Variants in RMND5A observed in about 807,000 individuals in gnomAD.
RMND5A encodes required for meiotic nuclear division 5 homolog A, also known as E3 ubiquitin-protein transferase RMND5A.
Under a neutral mutation model 49.7 loss-of-function variants are expected in RMND5A, and 17 were observed. The ratio of observed to expected loss-of-function variants is 0.34; its 90% CI spans 0.23 to 0.51. The LOEUF is 0.51. Ranked by LOEUF, RMND5A falls within the 20% of genes least tolerant of loss-of-function variation. RMND5A has a pLI of 0.96. For synonymous variants in RMND5A, 156 were observed against 167.7 expected (o/e 0.93, Z 0.54); for missense variants, 255 against 471.3 (o/e 0.54, Z 4.25).
intron 6 of RMND5A, among the ~76,000 whole-genome samples, chr2:86,769,311 G>GT (rs1269802794): frequency 6.6e-6 from 1 of 152,174 alleles, no homozygotes; most frequent in Non-Finnish European, 1.5e-5. Context: ...TGAAAATGGT[G>GT]TGTAAATCAG....
In RMND5A at chr2:86,773,416, A is replaced by G. The variant is rs1321472487; in HGVS notation, c.*5A>G. On this transcript the variant is annotated 3_prime_UTR_variant, in exon 9 of 9. Transcript: ENST00000283632. The stretch of plus-strand genomic sequence containing the variant: ...GCCAAACAGATATTTTTCTGAAGAG[A>G]TAACTTTAGTTTGCAATTTGTAAGT... 2.5e-6 allele frequency: 4 copies of G among 1,590,112 alleles called. No individual in the cohort carries two copies. Among genetic ancestry groups the G allele is most frequent in the Non-Finnish European group, 3.5e-6 (4 of 1,158,460 alleles).
chr2:86,767,462 T>A (rs1209095460), intron 6 of RMND5A, among the ~76,000 whole-genome samples: 4 of 146,764 alleles, frequency 2.7e-5, no homozygotes, highest in African/African-American at 7.4e-5. Context: ...TTTTCTTAAA[T>A]TTTTAAGACA....
chr2:86,755,719 A>G (rs888555293), intron 4 of RMND5A, among the ~76,000 whole-genome samples: 1 of 152,198 alleles, frequency 6.6e-6, no homozygotes, highest in African/African-American at 2.4e-5. Context: ...TGTTATGTAT[A>G]TTGATTATTT....
intron 2 of RMND5A, among the ~76,000 whole-genome samples, chr2:86,744,474 T>G (rs1272817690): frequency 6.6e-6 from 1 of 152,104 alleles, no homozygotes; most frequent in African/African-American, 2.4e-5. Flanking sequence ...GGACACATGC[T>G]CCCACCCTTA....
chr2:86,768,115 C>T lies in RMND5A; in HGVS notation c.855-1908C>T, dbSNP rs533792901. ...GTATTTTATTTTTACATGAACTAAT[C>T]GGCACCTTTTATGTTTCTCATTTTA... On this transcript the variant is annotated intron_variant, in intron 6 of 8. Coordinates refer to ENST00000283632, the MANE Select transcript of RMND5A (RefSeq NM_022780.4). Among the ~76,000 whole-genome samples the T allele has an allele frequency of 1.2e-3, 185 of 152,202 alleles. 1 individual carries two copies. The highest frequency in any genetic ancestry group is 4.3e-3 in the African/African-American group (179 of 41,544).
In RMND5A at chr2:86,726,514, A is replaced by AGGTC. The variant is rs1430576863; in HGVS notation, c.142+5706_142+5709dup. On this transcript the variant is annotated intron_variant, in intron 1 of 8. Transcript: ENST00000283632. ...CTAGTCTGGAAAATAGTATATCAGT[A>AGGTC]GGTCATAAATAAAAGTTTGGGAGGA... 5.5e-5 allele frequency among the ~76,000 whole-genome samples: 4 copies of AGGTC among 72,920 alleles called. 2 individuals carry two copies. Among genetic ancestry groups the AGGTC allele is most frequent in the African/African-American group, 2.4e-4 (4 of 16,474 alleles). 47.8% of individuals were successfully genotyped at this position (72,920 alleles called of 152,430 possible). A position where few individuals can be genotyped will look rare whatever the true frequency, so the allele number is the denominator to read the frequency against.
intron 6 of RMND5A, among the ~76,000 whole-genome samples, chr2:86,769,289 T>C (rs1269872921): frequency 6.6e-6 from 1 of 152,220 alleles, no homozygotes; most frequent in Non-Finnish European, 1.5e-5. Flanking sequence ...TCTGTACTTC[T>C]TTCCTGTGGA....
chr2:86,730,054 T>G, intron 1 of RMND5A, among the ~76,000 whole-genome samples: 1 of 31,478 alleles, frequency 3.2e-5, no homozygotes, highest in Non-Finnish European at 5.6e-5. Context: ...TGAAAGGGAT[T>G]TCTGAGGGAA....
intron 2 of RMND5A, among the ~76,000 whole-genome samples, chr2:86,741,733 A>C (rs1294029338): frequency 6.6e-6 from 1 of 151,146 alleles, no homozygotes; most frequent in Non-Finnish European, 1.5e-5. Context: ...CACCTAAGAG[A>C]AGTAGTTCAA....
At chr2:86,762,804 GC>G (rs1672526029) in intron 4 of RMND5A, among the ~76,000 whole-genome samples, 1 of 150,816 alleles carries the variant, frequency 6.6e-6, no homozygotes. Flanking sequence ...ACTTTGGGAG[GC>G]CAAGGCGGGA....
intron 7 of RMND5A, among the ~76,000 whole-genome samples, chr2:86,770,399 C>T (rs1672668466): frequency 1.3e-5 from 2 of 152,172 alleles, no homozygotes; most frequent in Admixed American, 6.5e-5. Flanking sequence ...CAGTAGCAGG[C>T]AGTGTGTTCT....
intron 4 of RMND5A, among the ~76,000 whole-genome samples, chr2:86,762,018 C>CT (rs1207799047): frequency 6.6e-6 from 1 of 152,004 alleles, no homozygotes; most frequent in Non-Finnish European, 1.5e-5. Context: ...TATAATTACT[C>CT]TATAGGCCTG....
chr2:86,760,309 G>A (rs1259951634), intron 4 of RMND5A, among the ~76,000 whole-genome samples: 2 of 152,172 alleles, frequency 1.3e-5, no homozygotes, highest in Admixed American at 1.3e-4. Flanking sequence ...CTCCCAAAGT[G>A]CTGGGATTAC....
chr2:86,769,554 C>A (rs1368886202), intron 6 of RMND5A, among the ~76,000 whole-genome samples: 2 of 152,100 alleles, frequency 1.3e-5, no homozygotes, highest in African/African-American at 4.8e-5. Context: ...GTTCTTAATT[C>A]CTGCTCTTCA....
In RMND5A at chr2:86,770,028, C is replaced by T; in HGVS notation, c.860C>T (p.Ser287Leu). The change falls in exon 7 of 9, where the codon TCA becomes TTA. Residue 287 changes from serine to leucine, a missense_variant. This residue lies in a region of RMND5A where 208 missense variants were observed against 339.8 expected (regional missense o/e 0.61). Transcript: ENST00000283632. Reference sequence around the variant, plus strand: ...TTCCTCTTCTGCTCTCCCAGTTTCTCAGCAGGTTGTGTGGCGCTGCCAGCT... The same window carrying T: ...TTCCTCTTCTGCTCTCCCAGTTTCTTAGCAGGTTGTGTGGCGCTGCCAGCT... Reference protein sequence around the residue: ...SVESPLSVSFSAGCVALPALI... With the variant: ...SVESPLSVSFLAGCVALPALI... The T allele has an allele frequency of 6.2e-7, 1 of 1,613,382 alleles. No individual in the cohort carries two copies. The highest frequency in any genetic ancestry group is 8.5e-7 in the Non-Finnish European group (1 of 1,179,394).
At chr2:86,728,313 CT>C (rs3051429) in intron 1 of RMND5A, among the ~76,000 whole-genome samples, 743 of 60,272 alleles carry the variant, frequency 0.012, 70 homozygotes, top group African/African-American at 0.02. Context: ...GTTCTACAAT[CT>C]TTTTTTTTTT....
intron 5 of RMND5A, 69 bp from the exon 6 acceptor site, chr2:86,765,790 G>T: frequency 7.4e-7 from 1 of 1,357,938 alleles, no homozygotes; most frequent in Non-Finnish European, 1.0e-6. Flanking sequence ...GTATGGGTGG[G>T]GGTATTCTTG....
At chr2:86,747,039 A>T (rs539557262) in intron 2 of RMND5A, among the ~76,000 whole-genome samples, 1 of 152,294 alleles carries the variant, frequency 6.6e-6, no homozygotes, top group East Asian at 1.9e-4. Context: ...CTAAATATGG[A>T]TTATTTCATC....
At position 86,729,246 on chromosome 2, in the gene RMND5A, A is replaced by C. The variant is rs567277340; in HGVS notation, c.142+8437A>C. Among the ~76,000 whole-genome samples, 122 of 152,298 alleles carry C rather than the reference A, an allele frequency of 8.0e-4. 1 individual carries two copies. The highest frequency in any genetic ancestry group is 2.9e-3 in the African/African-American group (120 of 41,514). On this transcript the variant is annotated intron_variant, in intron 1 of 8. Coordinates refer to ENST00000283632, the MANE Select transcript of RMND5A (RefSeq NM_022780.4). Reference sequence around the variant, plus strand: ...CTCATATTTGAAAGGGGGAAAAAACAAGACCACGGCACACAGTGTATAACA... The same window carrying C: ...CTCATATTTGAAAGGGGGAAAAAACCAGACCACGGCACACAGTGTATAACA...
Sources: allele counts gnomAD v4.1 joint callset (sites outside exome capture counted in the v4.1 genomes callset), GRCh38; gene constraint gnomAD v4.1.1; regional missense constraint gnomAD v4.1.1; transcripts MANE v1.5; gene names NCBI Gene and HGNC (gene_info 2026-07-23, HGNC 2026-07-21).